Variants in TSC22D3 observed in about 807,000 individuals in gnomAD.
TSC22D3 encodes the protein TSC22 domain family member 3.
Under a neutral mutation model 11.1 loss-of-function variants are expected in TSC22D3, and 4 were observed. The ratio of observed to expected loss-of-function variants is 0.36; its 90% CI spans 0.18 to 0.83. The LOEUF (loss-of-function observed/expected upper bound fraction) is 0.83, where lower values mean the gene tolerates loss of function less well. Ranked by LOEUF, TSC22D3 falls within the 40% of genes least tolerant of loss-of-function variation. The pLI is 0.48. For synonymous variants in TSC22D3, 77 were observed against 70.3 expected, an observed-to-expected ratio of 1.10 and a Z score of -0.48; for missense variants, 118 against 159.4, an observed-to-expected ratio of 0.74 and a Z score of 1.40.
intron 1 of TSC22D3, among the ~76,000 whole-genome samples, chrX:107,771,116 C>T (rs1929888275): frequency 8.9e-6 from 1 of 112,372 alleles, no homozygotes; most frequent in Non-Finnish European, 1.9e-5. Flanking sequence ...GCTTCATAGA[C>T]AATTCTTAAG....
At chrX:107,772,861 T>A (rs1199654187) in intron 1 of TSC22D3, among the ~76,000 whole-genome samples, 1 of 110,590 alleles carries the variant, frequency 9.0e-6, no homozygotes, top group Non-Finnish European at 1.9e-5. Context: ...AGGAAAAAAA[T>A]AAATAAATAA....
chrX:107,774,917 G>T, intron 1 of TSC22D3, 183 bp downstream of exon 1: 1 of 494,542 alleles, frequency 2.0e-6, no homozygotes, highest in Non-Finnish European at 3.3e-6. Flanking sequence ...GCTTGCACCT[G>T]CCAGTCCTCC....
At chrX:107,721,205 G>A (rs1410146018) in intron 1 of TSC22D3, among the ~76,000 whole-genome samples, 4 of 111,961 alleles carry the variant, frequency 3.6e-5, no homozygotes, top group Non-Finnish European at 7.5e-5. Flanking sequence ...GGAGGGTGGC[G>A]TAATGAGGAC....
At chrX:107,725,529 T>C (rs1927577111) in intron 1 of TSC22D3, among the ~76,000 whole-genome samples, 1 of 111,971 alleles carries the variant, frequency 8.9e-6, no homozygotes, top group African/African-American at 3.3e-5. Context: ...GCCCCTATGG[T>C]GCCAGGGGCA....
chrX:107,721,998 C>G lies in TSC22D3; in HGVS notation c.321-6048G>C, dbSNP rs191370951. The G allele has an allele frequency of 6.6e-3, 2,536 of 385,148 alleles. 54 individuals carry two copies. Among genetic ancestry groups the G allele is most frequent in the African/African-American group, 0.056 (2,195 of 38,949 alleles). 31.7% of individuals were successfully genotyped at this position (385,148 alleles called of 1,213,427 possible). On this transcript the variant is annotated intron_variant, in intron 1 of 2. Transcript: ENST00000372383. ...GAGACTATAGACAGGAAGGCCACTG[C>G]CACTTACATAGTTACTTTGGTTTCA... is the stretch of plus-strand genomic sequence containing the variant.
chrX:107,742,260 T>TGA (rs1232034872), intron 1 of TSC22D3, among the ~76,000 whole-genome samples: 4 of 78,012 alleles, frequency 5.1e-5, no homozygotes, highest in South Asian at 6.6e-4. Flanking sequence ...CACATGTATT[T>TGA]GAGAGAGAGA....
At chrX:107,754,659 G>A (rs1437635238) in intron 1 of TSC22D3, among the ~76,000 whole-genome samples, 2 of 112,001 alleles carry the variant, frequency 1.8e-5, no homozygotes, top group African/African-American at 6.5e-5. Context: ...CTCTAAATAG[G>A]AAAGAAGCTT....
In TSC22D3 at chrX:107,717,529, T is replaced by TA. The variant is rs758791696; in HGVS notation, c.321-1580dup. Among the ~76,000 whole-genome samples, 275 of 111,958 alleles carry TA rather than the reference T, an allele frequency of 2.5e-3. 3 individuals carry two copies. The highest frequency in any genetic ancestry group is 2.1e-3 in the Non-Finnish European group (110 of 53,073). ...CTTTGTCACCTGCACATTCACTCTC[T>TA]AATCAACTCAGCTTTCCCCTCACCA... On this transcript the variant is annotated intron_variant, in intron 1 of 2. Coordinates refer to ENST00000372383, the MANE Select transcript of TSC22D3 (RefSeq NM_198057.3).
In TSC22D3 at chrX:107,771,350, C is replaced by T. The variant is rs184849039; in HGVS notation, c.320+3750G>A. Among the ~76,000 whole-genome samples the T allele has an allele frequency of 5.8e-3, 645 of 111,993 alleles. 5 individuals carry two copies. The highest frequency in any genetic ancestry group is 0.031 in the Admixed American group (332 of 10,584). On this transcript the variant is annotated intron_variant, in intron 1 of 2. Coordinates refer to ENST00000372383, the MANE Select transcript of TSC22D3 (RefSeq NM_198057.3). ...CTGTAATCCCAGCACCTTGGGAGGC[C>T]GAGGCTGGTGGATCATTTGAGATCA...
chrX:107,732,896 G>A (rs1184854246), intron 1 of TSC22D3, among the ~76,000 whole-genome samples: 1 of 110,589 alleles, frequency 9.0e-6, no homozygotes, highest in Non-Finnish European at 1.9e-5. Flanking sequence ...CCAGGAGTTC[G>A]AGACCAGCCT....
chrX:107,716,100 C>G, intron 1 of TSC22D3, 150 bp from the exon 2 acceptor site: 1 of 686,076 alleles, frequency 1.5e-6, no homozygotes, highest in South Asian at 2.9e-5. Context: ...CAGTTTGTCC[C>G]CAGATCCTTC....
chrX:107,730,129 G>A (rs59987863), intron 1 of TSC22D3, among the ~76,000 whole-genome samples: 1,587 of 112,278 alleles, frequency 0.014, 25 homozygotes, highest in African/African-American at 0.048. Context: ...TCTTGTCAAC[G>A]CTGTTAGGAG....
chrX:107,742,283 G>GAA (rs1928444641), intron 1 of TSC22D3, among the ~76,000 whole-genome samples: 1 of 26,973 alleles, frequency 3.7e-5, no homozygotes, highest in Non-Finnish European at 7.6e-5. Context: ...GAGAGAGAAA[G>GAA]AGAGAGAGAG....
intron 1 of TSC22D3, chrX:107,716,851 G>GGGCTGGGC (rs773177607): frequency 5.9e-5 from 71 of 1,200,673 alleles, no homozygotes; most frequent in Middle Eastern, 4.7e-4. Context: ...GTTTCGTGCG[G>GGGCTGGGC]GGCTGGGCGG....
chrX:107,734,723 C>A (rs1351236181), intron 1 of TSC22D3, among the ~76,000 whole-genome samples: 1 of 109,497 alleles, frequency 9.1e-6, no homozygotes, highest in Non-Finnish European at 1.9e-5. Flanking sequence ...GGCAGGTTGG[C>A]AAGAAAGATC....
chrX:107,729,058 A>G (rs909725048), intron 1 of TSC22D3, among the ~76,000 whole-genome samples: 1 of 112,481 alleles, frequency 8.9e-6, no homozygotes, highest in African/African-American at 3.2e-5. Context: ...AGTTTAGGGC[A>G]AAGGAGATTG....
intron 1 of TSC22D3, among the ~76,000 whole-genome samples, chrX:107,721,183 G>A (rs1352884903): frequency 1.8e-5 from 2 of 111,881 alleles, no homozygotes; most frequent in Non-Finnish European, 3.8e-5. Flanking sequence ...TCTCAGGGGC[G>A]ACCTTCTAGA....
chrX:107,737,595 A>G (rs1341910491), intron 1 of TSC22D3, among the ~76,000 whole-genome samples: 1 of 110,873 alleles, frequency 9.0e-6, no homozygotes, highest in African/African-American at 3.3e-5. Flanking sequence ...TTTTTTTCAA[A>G]CAGGCTTCTT....
At chrX:107,766,550 G>A (rs1337911879) in intron 1 of TSC22D3, among the ~76,000 whole-genome samples, 1 of 103,781 alleles carries the variant, frequency 9.6e-6, no homozygotes, top group Non-Finnish European at 1.9e-5. Context: ...ACCTGTTCTG[G>A]GGCCTCTCCA....
Sources: gnomAD v4.1 joint callset for allele counts (sites outside exome capture counted in the v4.1 genomes callset) on GRCh38, gnomAD v4.1.1 for gene constraint, MANE v1.5 for transcripts, NCBI Gene and HGNC (gene_info 2026-07-23, HGNC 2026-07-21) for gene names.